CBFA2T2: variants seen among roughly 807,000 people sequenced by gnomAD.
CBFA2T2 encodes the protein protein CBFA2T2.
CBFA2T2 carries 11 observed loss-of-function variants against 62.2 expected under a neutral mutation model. That is an observed-to-expected ratio of 0.18 (90% CI 0.11 to 0.29). The LOEUF (loss-of-function observed/expected upper bound fraction) is 0.29, where lower values mean the gene tolerates loss of function less well. Among genes scored for constraint, CBFA2T2 ranks in the 10% least tolerant of loss-of-function variants. CBFA2T2 has a pLI of 1.00. For synonymous variants in CBFA2T2, 295 were observed against 287.5 expected, an observed-to-expected ratio of 1.03 and a Z score of -0.27; for missense variants, 592 against 774.1, an observed-to-expected ratio of 0.76 and a Z score of 2.79.
At chr20:33,562,308 A>G (rs1466090354) in intron 1 of CBFA2T2, 2 of 909,838 alleles carry the variant, frequency 2.2e-6, no homozygotes, top group African/African-American at 1.8e-5. Context: ...ATCAGCTGGC[A>G]AAGAGCCCTG....
chr20:33,544,945 C>CAGAACAGAAT (rs1215816057), intron 1 of CBFA2T2, among the ~76,000 whole-genome samples: 79 of 130,976 alleles, frequency 6.0e-4, no homozygotes, highest in African/African-American at 2.2e-3. Flanking sequence ...TAGAATAGAA[C>CAGAACAGAAT]AGAATAGAAT....
At chr20:33,549,685 T>G (rs1361807380) in intron 1 of CBFA2T2, among the ~76,000 whole-genome samples, 2 of 152,184 alleles carry the variant, frequency 1.3e-5, no homozygotes, top group African/African-American at 4.8e-5. Flanking sequence ...TAAAAATCAT[T>G]GACTTGTACA....
Position 33,649,727 on chromosome 20 carries a change from C to T in CBFA2T2, c.*5081C>T, listed in dbSNP as rs377467772. On this transcript the variant is annotated 3_prime_UTR_variant, in exon 11 of 11. Coordinates refer to ENST00000342704, the MANE Select transcript of CBFA2T2 (RefSeq NM_001032999.3). ...GCCAAGAGGCCTTCAGTCCCCTTAA[C>T]GTGGCTTTCCAACTTCCTGACGAGG... The T allele has an allele frequency of 6.6e-6, 1 of 152,462 alleles. No homozygotes were observed. Among genetic ancestry groups the T allele is most frequent in the Non-Finnish European group, 1.5e-5 (1 of 68,038 alleles). 9.4% of individuals were successfully genotyped at this position (152,462 alleles called of 1,614,324 possible).
intron 8 of CBFA2T2, among the ~76,000 whole-genome samples, chr20:33,630,159 G>C (rs899264380): frequency 8.5e-5 from 13 of 152,076 alleles, no homozygotes; most frequent in South Asian, 2.1e-4. Context: ...TGTTGCCCAG[G>C]CTGGCCTTGG....
chr20:33,629,479 T>C (rs1193948075), intron 7 of CBFA2T2, among the ~76,000 whole-genome samples: 2 of 152,250 alleles, frequency 1.3e-5, no homozygotes, highest in Non-Finnish European at 2.9e-5. Context: ...ATCTGAGGTT[T>C]TGTCCAAACA....
intron 1 of CBFA2T2, among the ~76,000 whole-genome samples, chr20:33,565,861 G>T (rs898481719): frequency 1.3e-5 from 2 of 152,150 alleles, no homozygotes; most frequent in African/African-American, 4.8e-5. Flanking sequence ...TGGAGATGAG[G>T]ATAATGACAT....
rs564676342 is a variant in CBFA2T2 at position 33,592,428 on chromosome 20, T to TTA, written c.35-14521_35-14520dup. Among the ~76,000 whole-genome samples the TTA allele has an allele frequency of 4.7e-3, 606 of 127,790 alleles. 4 individuals are homozygous for TTA. Among genetic ancestry groups the TTA allele is most frequent in the African/African-American group, 0.017 (562 of 32,208 alleles). The allele number at this position is 127,790 out of a possible 152,430, so 83.8% of individuals were successfully genotyped here. Reference sequence around the variant, plus strand: ...AATTATATATATAATTATGTAAAAATTATATATAATTATGTAAATATATAT... The same window carrying TTA: ...AATTATATATATAATTATGTAAAAATTATATATATAATTATGTAAATATATAT... On this transcript the variant is annotated intron_variant, in intron 1 of 10. Transcript: ENST00000342704.
In CBFA2T2 at chr20:33,611,263, T is replaced by C. The variant is rs143207038; in HGVS notation, c.348T>C (p.Thr116=). The change falls in exon 3 of 11, where the codon ACT becomes ACC. Residue 116 remains threonine (T), a synonymous_variant. Transcript: ENST00000342704. ...GCAAGTTGAAACGCTTTCTTACCAC[T>C]CTGCAACAGTTTGGCAATGACATCT... is the stretch of plus-strand genomic sequence containing the variant. ...QLSKLKRFLT[T]LQQFGNDISP... 1,171 of 1,614,152 alleles carry C rather than the reference T, an allele frequency of 7.3e-4. 2 individuals are homozygous for C. Among genetic ancestry groups the C allele is most frequent in the Non-Finnish European group, 9.3e-4 (1,094 of 1,180,028 alleles).
intron 3 of CBFA2T2, among the ~76,000 whole-genome samples, chr20:33,615,129 T>A (rs1265293687): frequency 1.3e-5 from 2 of 152,110 alleles, no homozygotes; most frequent in Admixed American, 1.3e-4. Flanking sequence ...TCCAGGAGTT[T>A]GAGGCCAGCC....
intron 8 of CBFA2T2, among the ~76,000 whole-genome samples, chr20:33,633,125 C>G (rs184116231): frequency 6.6e-6 from 1 of 152,010 alleles, no homozygotes; most frequent in Non-Finnish European, 1.5e-5. Flanking sequence ...AATCCCCGCA[C>G]TTTGGGAGGC....
At position 33,634,259 on chromosome 20, in the gene CBFA2T2, A is replaced by G. The variant is rs142651352; in HGVS notation, c.1229-2381A>G. Among the ~76,000 whole-genome samples the G allele has an allele frequency of 4.5e-4, 69 of 152,268 alleles. 1 individual carries two copies. The highest frequency in any genetic ancestry group is 1.6e-3 in the African/African-American group (65 of 41,546). On this transcript the variant is annotated intron_variant, in intron 8 of 10. Transcript: ENST00000342704. Reference sequence around the variant, plus strand: ...TGAGATTACACACATGAGCCACTGCATCTGGCCAAATTTTTAAACAAAGAA... The same window carrying G: ...TGAGATTACACACATGAGCCACTGCGTCTGGCCAAATTTTTAAACAAAGAA...
At chr20:33,576,483 T>G (rs1198785139) in intron 1 of CBFA2T2, among the ~76,000 whole-genome samples, 2 of 152,198 alleles carry the variant, frequency 1.3e-5, no homozygotes, top group East Asian at 3.8e-4. Context: ...TAACAGCCCC[T>G]CAGGGATAGG....
intron 1 of CBFA2T2, among the ~76,000 whole-genome samples, chr20:33,513,440 A>G (rs1410769393): frequency 6.6e-6 from 1 of 151,150 alleles, no homozygotes; most frequent in Non-Finnish European, 1.5e-5. Context: ...GCTCACTGCA[A>G]CCTTCACCTC....
intron 1 of CBFA2T2, among the ~76,000 whole-genome samples, chr20:33,602,090 C>T (rs541308808): frequency 1.3e-5 from 2 of 152,282 alleles, no homozygotes; most frequent in South Asian, 2.1e-4. Context: ...GGATTACAGG[C>T]ATGTGCCATC....
intron 3 of CBFA2T2, among the ~76,000 whole-genome samples, chr20:33,616,444 GTACCAATGTTAGTTTCCTAGTTT>G (rs1321681063): frequency 3.9e-5 from 6 of 152,262 alleles, no homozygotes; most frequent in Middle Eastern, 3.4e-3. Flanking sequence ...TAAGTATGTT[GTACCAATGTTAGTTTCCTAGTTT>G]TGAGATTGTA....
chr20:33,541,996 A>G (rs547948601), intron 1 of CBFA2T2, among the ~76,000 whole-genome samples: 50 of 152,276 alleles, frequency 3.3e-4, no homozygotes, highest in Middle Eastern at 3.4e-3. Context: ...CTCCCGCCTC[A>G]GCCTCCCAAA....
Position 33,543,636 on chromosome 20 carries a change from T to TA in CBFA2T2, c.34+53336dup, listed in dbSNP as rs573597091. On this transcript the variant is annotated intron_variant, in intron 1 of 10. Transcript: ENST00000342704. ...AAGAGCGTTCTTAGAGGGAAGAACATACAAAGATTCATTTTACAATTGGAA... is the reference window on the plus strand; with the variant it reads ...AAGAGCGTTCTTAGAGGGAAGAACATAACAAAGATTCATTTTACAATTGGAA... Among the ~76,000 whole-genome samples, 72 of 152,180 alleles carry TA rather than the reference T, an allele frequency of 4.7e-4. 2 individuals carry two copies. In the South Asian group the frequency reaches 0.014, roughly 31 times the overall value.
chr20:33,612,154 G>T (rs1254372724), intron 3 of CBFA2T2, among the ~76,000 whole-genome samples: 2 of 152,192 alleles, frequency 1.3e-5, no homozygotes, highest in Non-Finnish European at 2.9e-5. Flanking sequence ...TTAAGAATTT[G>T]CAAGGTACAC....
At chr20:33,636,598 T>C in intron 8 of CBFA2T2, 42 bp from the exon 9 acceptor site, 1 of 1,456,148 alleles carries the variant, frequency 6.9e-7, no homozygotes, top group Non-Finnish European at 9.6e-7. Context: ...CTGCTGATCA[T>C]AGACAGCTTC....
Sources: gnomAD v4.1 joint callset for allele counts (sites outside exome capture counted in the v4.1 genomes callset) on GRCh38, gnomAD v4.1.1 for gene constraint, MANE v1.5 for transcripts, NCBI Gene and HGNC (gene_info 2026-07-23, HGNC 2026-07-21) for gene names.